C8orf34: variants seen among roughly 807,000 people sequenced by gnomAD.
The protein encoded by C8orf34 is chromosome 8 open reading frame 34.
In C8orf34, 65 loss-of-function variants were observed where a neutral mutation model predicts 68.3. The observed-to-expected ratio is 0.95, with a 90% confidence interval of 0.78 to 1.17. The LOEUF is 1.17. Ranked by LOEUF, C8orf34 falls within the 50% of genes most tolerant of loss-of-function variation. C8orf34 has a pLI of 0.00. For synonymous variants in C8orf34, 244 were observed against 241.2 expected, an observed-to-expected ratio of 1.01 and a Z score of -0.11; for missense variants, 664 against 655.4, an observed-to-expected ratio of 1.01 and a Z score of -0.14.
chr8:68,595,813 T>G (rs1290941744), intron 7 of C8orf34, among the ~76,000 whole-genome samples: 1 of 152,180 alleles, frequency 6.6e-6, no homozygotes, highest in Non-Finnish European at 1.5e-5. Flanking sequence ...CAGGCAGAAA[T>G]GCTTAAAATT....
chr8:68,774,882 A>C (rs1347208399), intron 10 of C8orf34, among the ~76,000 whole-genome samples: 1 of 149,126 alleles, frequency 6.7e-6, no homozygotes, highest in Non-Finnish European at 1.5e-5. Context: ...TAAGGCAGGC[A>C]GATTACCTGA....
chr8:68,634,740 A>G (rs1055826920), intron 7 of C8orf34, among the ~76,000 whole-genome samples: 6 of 152,164 alleles, frequency 3.9e-5, no homozygotes, highest in African/African-American at 1.2e-4. Flanking sequence ...GAGCTTGGTA[A>G]GTATTCAGTA....
intron 7 of C8orf34, among the ~76,000 whole-genome samples, chr8:68,570,750 C>T (rs534025386): frequency 4.1e-4 from 62 of 152,248 alleles, no homozygotes; most frequent in African/African-American, 1.5e-3. Flanking sequence ...AATCTCAGTG[C>T]CAACCCCAGA....
At chr8:68,536,544 G>T (rs1367200778) in intron 7 of C8orf34, among the ~76,000 whole-genome samples, 1 of 151,496 alleles carries the variant, frequency 6.6e-6, no homozygotes, top group Non-Finnish European at 1.5e-5. Context: ...TTGTTGAAAG[G>T]CGAGTTTCAG....
In C8orf34 at chr8:68,571,073, G is replaced by A. The variant is rs181684937; in HGVS notation, c.1105+37924G>A. Among the ~76,000 whole-genome samples, 511 of 152,224 alleles carry A rather than the reference G, an allele frequency of 3.4e-3. 2 individuals carry two copies. Among genetic ancestry groups the A allele is most frequent in the African/African-American group, 0.012 (489 of 41,532 alleles). ...CACTGGGAAATGGCACTATTCCTCC[G>A]TGGAGGAGAGTAGGACCCTGGAGGA... is the stretch of plus-strand genomic sequence containing the variant. On this transcript the variant is annotated intron_variant, in intron 7 of 13. Coordinates refer to ENST00000518698, the MANE Select transcript of C8orf34 (RefSeq NM_052958.4).
intron 8 of C8orf34, among the ~76,000 whole-genome samples, chr8:68,681,093 G>C (rs1820356648): frequency 6.6e-6 from 1 of 152,124 alleles, no homozygotes; most frequent in South Asian, 2.1e-4. Flanking sequence ...CAGGCAGTCA[G>C]ACCTTATGGT....
chr8:68,643,521 A>G (rs905955363), intron 8 of C8orf34, among the ~76,000 whole-genome samples: 4 of 152,320 alleles, frequency 2.6e-5, no homozygotes, highest in Admixed American at 2.0e-4. Context: ...CTCCCACTTC[A>G]GGAGACTGAG....
chr8:68,465,507 T>TA (rs1305944127), intron 3 of C8orf34, among the ~76,000 whole-genome samples: 4 of 151,970 alleles, frequency 2.6e-5, no homozygotes, highest in African/African-American at 9.7e-5. Context: ...CACACGTATG[T>TA]TTATTGCAGC....
At chr8:68,439,182 A>G (rs1810790983) in intron 1 of C8orf34, 1 of 179,016 alleles carries the variant, frequency 5.6e-6, no homozygotes, top group South Asian at 2.0e-4. Context: ...AAAATTCTTA[A>G]GCTATAATTT....
chr8:68,802,729 C>T (rs1037870984), intron 12 of C8orf34, among the ~76,000 whole-genome samples: 3 of 152,162 alleles, frequency 2.0e-5, no homozygotes, highest in Non-Finnish European at 2.9e-5. Context: ...AACTCATGAG[C>T]TCAAGCAATC....
chr8:68,612,267 A>C (rs2130567368), intron 7 of C8orf34, among the ~76,000 whole-genome samples: 1 of 152,236 alleles, frequency 6.6e-6, no homozygotes. Flanking sequence ...TCACTCAACC[A>C]ACATAACAAT....
Position 68,718,293 on chromosome 8 carries a change from T to A in C8orf34, c.1328-3068T>A, listed in dbSNP as rs116559820. Among the ~76,000 whole-genome samples, 672 of 152,330 alleles carry A rather than the reference T, an allele frequency of 4.4e-3. 11 individuals are homozygous for A. The highest frequency in any genetic ancestry group is 0.015 in the African/African-American group (634 of 41,564). On this transcript the variant is annotated intron_variant, in intron 9 of 13. Coordinates refer to ENST00000518698, the MANE Select transcript of C8orf34 (RefSeq NM_052958.4). ...GTTTAATTACTTGCCATTAATTTTT[T>A]AAATTTTATCAAAATAACTCCAACC...
chr8:68,758,665 C>T (rs773389409), intron 10 of C8orf34, among the ~76,000 whole-genome samples: 3 of 151,992 alleles, frequency 2.0e-5, no homozygotes, highest in South Asian at 4.2e-4. Flanking sequence ...TTGCTTTCTG[C>T]GTGGGAACCT....
intron 12 of C8orf34, among the ~76,000 whole-genome samples, chr8:68,809,101 T>A (rs1824571358): frequency 6.6e-6 from 1 of 152,184 alleles, no homozygotes. Flanking sequence ...GGTCCCAGAC[T>A]AGTAAATTGC....
chr8:68,378,147 CAT>C (rs1807883518), intron 1 of C8orf34, among the ~76,000 whole-genome samples: 1 of 152,084 alleles, frequency 6.6e-6, no homozygotes, highest in Non-Finnish European at 1.5e-5. Flanking sequence ...CACTTGGAAT[CAT>C]ATTAATTTAT....
At chr8:68,449,612 T>C (rs983758745) in intron 3 of C8orf34, among the ~76,000 whole-genome samples, 5 of 152,146 alleles carry the variant, frequency 3.3e-5, no homozygotes, top group African/African-American at 1.2e-4. Context: ...AAAAAAGTTA[T>C]ATTTATATTC....
intron 1 of C8orf34, among the ~76,000 whole-genome samples, chr8:68,406,194 A>T (rs1045693321): frequency 6.6e-6 from 1 of 152,182 alleles, no homozygotes; most frequent in African/African-American, 2.4e-5. Flanking sequence ...CAGACAGTTG[A>T]TCTGCTGGTC....
intron 8 of C8orf34, among the ~76,000 whole-genome samples, chr8:68,686,119 T>A (rs1025880142): frequency 6.6e-6 from 1 of 151,610 alleles, no homozygotes; most frequent in Non-Finnish European, 1.5e-5. Flanking sequence ...AGCAGTAAGA[T>A]TGAATCAGTA....
chr8:68,816,389 C>T (rs1346164099), intron 13 of C8orf34, among the ~76,000 whole-genome samples: 1 of 152,128 alleles, frequency 6.6e-6, no homozygotes, highest in East Asian at 1.9e-4. Flanking sequence ...GAATATGAGG[C>T]TACTTTATGA....
Sources: allele counts gnomAD v4.1 joint callset (sites outside exome capture counted in the v4.1 genomes callset), GRCh38; gene constraint gnomAD v4.1.1; transcripts MANE v1.5; gene names NCBI Gene and HGNC (gene_info 2026-07-23, HGNC 2026-07-21).